The following NKAIN2 variants were observed in gnomAD, a reference collection of about 807,000 sequenced individuals.
NKAIN2 encodes the protein sodium/potassium-transporting ATPase subunit beta-1-interacting protein 2.
Under a neutral mutation model 32.6 loss-of-function variants are expected in NKAIN2, and 14 were observed. The observed-to-expected ratio is 0.43, with a 90% CI of 0.28 to 0.67. The LOEUF (loss-of-function observed/expected upper bound fraction) is 0.67. NKAIN2 is among the 30% of genes least tolerant of loss of function. The pLI, the probability that NKAIN2 is intolerant of heterozygous loss-of-function variation, is 0.17. For missense variants in NKAIN2, 198 were observed against 258.3 expected, an observed-to-expected ratio of 0.77 and a Z score of 1.60; for synonymous variants, 80 against 87.2, an observed-to-expected ratio of 0.92 and a Z score of 0.46.
At chr6:123,895,693 A>G (rs1436986487) in intron 1 of NKAIN2, among the ~76,000 whole-genome samples, 1 of 152,238 alleles carries the variant, frequency 6.6e-6, no homozygotes, top group South Asian at 2.1e-4. Context: ...TAAAAGTATT[A>G]TGAGATAGTA....
chr6:124,095,609 A>G (rs1378412925), intron 1 of NKAIN2, among the ~76,000 whole-genome samples: 3 of 152,196 alleles, frequency 2.0e-5, no homozygotes, highest in African/African-American at 7.2e-5. Context: ...TCTATTCTGC[A>G]TAATTTTGAT....
chr6:124,779,318 GGGAAGGAAGGAA>G (rs869195660), intron 4 of NKAIN2, among the ~76,000 whole-genome samples: 3,140 of 52,806 alleles, frequency 0.059, 158 homozygotes, highest in African/African-American at 0.12. Flanking sequence ...GAGGGAGGGA[GGGAAGGAAGGAA>G]GGAAGGAAGG....
intron 3 of NKAIN2, among the ~76,000 whole-genome samples, chr6:124,398,280 AAAGAT>A (rs1562155862): frequency 1.4e-5 from 2 of 139,798 alleles, no homozygotes; most frequent in African/African-American, 5.3e-5. Flanking sequence ...AAAAAAAAAA[AAAGAT>A]GAGCCCAAAT....
At chr6:124,590,356 AT>A (rs1218114385) in intron 3 of NKAIN2, among the ~76,000 whole-genome samples, 1 of 152,190 alleles carries the variant, frequency 6.6e-6, no homozygotes, top group Admixed American at 6.5e-5. Flanking sequence ...CTTGAAATGC[AT>A]CCTATATAGA....
chr6:124,684,282 T>C (rs189252231), intron 4 of NKAIN2, among the ~76,000 whole-genome samples: 2 of 152,276 alleles, frequency 1.3e-5, no homozygotes, highest in African/African-American at 2.4e-5. Flanking sequence ...TAATGACTTG[T>C]AGTGGAGTTT....
At chr6:124,009,955 A>G (rs1462887844) in intron 1 of NKAIN2, among the ~76,000 whole-genome samples, 1 of 151,984 alleles carries the variant, frequency 6.6e-6, no homozygotes, top group Non-Finnish European at 1.5e-5. Context: ...GTGTGTGTGT[A>G]TGTATGTATA....
chr6:124,794,480 A>G lies in NKAIN2; in HGVS notation c.535+3081A>G, dbSNP rs560994914. On this transcript the variant is annotated intron_variant, in intron 5 of 6. Coordinates refer to ENST00000368417, the MANE Select transcript of NKAIN2 (RefSeq NM_001040214.3). Reference sequence around the variant, plus strand: ...CCTGAAAGACTCCAAAAAATAACATATATGTTTTTATGTGTATCTTGACCA... The same window carrying G: ...CCTGAAAGACTCCAAAAAATAACATGTATGTTTTTATGTGTATCTTGACCA... Among the ~76,000 whole-genome samples, 35 of 152,270 alleles carry G rather than the reference A, an allele frequency of 2.3e-4. No homozygotes were observed. In the East Asian group the frequency reaches 6.0e-3, roughly 26 times the overall value.
In NKAIN2 at chr6:124,219,363, C is replaced by T. The variant is rs139126776; in HGVS notation, c.55-63642C>T. The stretch of plus-strand genomic sequence containing the variant: ...TGCGATCTCGGCTCACTGCAACCTC[C>T]GCCTCCTGGGTTTAAGTGATTCTCC... On this transcript the variant is annotated intron_variant, in intron 1 of 6. Coordinates refer to ENST00000368417, the MANE Select transcript of NKAIN2 (RefSeq NM_001040214.3). 9.6e-3 allele frequency among the ~76,000 whole-genome samples: 1,447 copies of T among 151,458 alleles called. 11 individuals are homozygous for T. The highest frequency in any genetic ancestry group is 0.017 in the Non-Finnish European group (1,123 of 67,842).
At chr6:124,166,526 A>G (rs1422740903) in intron 1 of NKAIN2, among the ~76,000 whole-genome samples, 1 of 150,544 alleles carries the variant, frequency 6.6e-6, no homozygotes, top group Non-Finnish European at 1.5e-5. Flanking sequence ...GTTTCATTAG[A>G]TCCCATTTGT....
chr6:124,266,159 A>G (rs1360411459), intron 1 of NKAIN2, among the ~76,000 whole-genome samples: 1 of 152,184 alleles, frequency 6.6e-6, no homozygotes, highest in Non-Finnish European at 1.5e-5. Flanking sequence ...GATTCTTTAT[A>G]TAAAGAAGCA....
chr6:124,576,752 T>A (rs777825933), intron 3 of NKAIN2, among the ~76,000 whole-genome samples: 5 of 152,178 alleles, frequency 3.3e-5, no homozygotes, highest in Non-Finnish European at 5.9e-5. Context: ...AAATACTCTT[T>A]AAGAAACGCA....
chr6:124,148,005 T>A (rs1787506382), intron 1 of NKAIN2, among the ~76,000 whole-genome samples: 1 of 152,152 alleles, frequency 6.6e-6, no homozygotes, highest in African/African-American at 2.4e-5. Flanking sequence ...CCTCTATATA[T>A]TAGTTAATAC....
chr6:124,061,821 C>T (rs1409321096), intron 1 of NKAIN2, among the ~76,000 whole-genome samples: 1 of 151,958 alleles, frequency 6.6e-6, no homozygotes, highest in Non-Finnish European at 1.5e-5. Context: ...TTAAAAAATA[C>T]TTTTTCACGT....
rs145062785 is a variant in NKAIN2, at chr6:124,104,592, A to G, written c.55-178413A>G. Among the ~76,000 whole-genome samples the G allele has an allele frequency of 4.9e-3, 750 of 152,312 alleles. 2 individuals carry two copies. Among genetic ancestry groups the G allele is most frequent in the Middle Eastern group, 0.031 (9 of 292 alleles). ...ATGAATGCAATATACACACACACAT[A>G]TTGCTCTAATGCTAGGAAAAGGAAA... On this transcript the variant is annotated intron_variant, in intron 1 of 6. Coordinates refer to ENST00000368417, the MANE Select transcript of NKAIN2 (RefSeq NM_001040214.3).
intron 3 of NKAIN2, among the ~76,000 whole-genome samples, chr6:124,641,859 G>A (rs943622373): frequency 6.6e-6 from 1 of 151,926 alleles, no homozygotes; most frequent in Admixed American, 6.6e-5. Context: ...CCAGCCAAAA[G>A]ATTAGCTTTT....
intron 3 of NKAIN2, among the ~76,000 whole-genome samples, chr6:124,573,293 T>C (rs1781200310): frequency 6.6e-6 from 1 of 152,196 alleles, no homozygotes; most frequent in Non-Finnish European, 1.5e-5. Context: ...ACGCCTTTCC[T>C]TCACTACTTC....
chr6:124,071,116 A>T (rs980565667), intron 1 of NKAIN2, among the ~76,000 whole-genome samples: 1 of 152,172 alleles, frequency 6.6e-6, no homozygotes, highest in Non-Finnish European at 1.5e-5. Context: ...TAGCGGAAGA[A>T]AGGCAACAAT....
intron 5 of NKAIN2, among the ~76,000 whole-genome samples, chr6:124,800,459 G>T (rs142465411): frequency 2.6e-5 from 4 of 152,182 alleles, no homozygotes; most frequent in Admixed American, 2.6e-4. Context: ...GGAGGCCTCC[G>T]CTATGACTGG....
At chr6:123,861,053 C>T (rs765782740) in intron 1 of NKAIN2, among the ~76,000 whole-genome samples, 18 of 152,186 alleles carry the variant, frequency 1.2e-4, no homozygotes, top group Non-Finnish European at 2.5e-4. Flanking sequence ...GGGTCCACAT[C>T]GATGGGCTCC....
Sources: gnomAD v4.1 joint callset for allele counts (sites outside exome capture counted in the v4.1 genomes callset) on GRCh38, gnomAD v4.1.1 for gene constraint, MANE v1.5 for transcripts, NCBI Gene and HGNC (gene_info 2026-07-23, HGNC 2026-07-21) for gene names.